The following GRID1 variants were observed in gnomAD, a reference collection of about 807,000 sequenced individuals.
The protein encoded by GRID1 is glutamate receptor ionotropic, delta-1.
In GRID1, 28 loss-of-function variants were observed where a neutral mutation model predicts 98.0. The ratio of observed to expected loss-of-function variants is 0.29; its 90% CI spans 0.21 to 0.39. The LOEUF is 0.39. GRID1 is among the 10% of genes least tolerant of loss of function. The pLI is 1.00. For synonymous variants in GRID1, 553 were observed against 538.5 expected (o/e 1.03, Z -0.37); for missense variants, 1,111 against 1,340.5 (o/e 0.83, Z 2.67).
chr10:85,835,050 A>C (rs966154206), intron 8 of GRID1, among the ~76,000 whole-genome samples: 2 of 152,216 alleles, frequency 1.3e-5, no homozygotes, highest in Non-Finnish European at 2.9e-5. Flanking sequence ...GACTATATTA[A>C]TATCAGGTAA....
intron 4 of GRID1, among the ~76,000 whole-genome samples, chr10:85,978,449 C>A (rs1233634076): frequency 6.6e-6 from 1 of 152,194 alleles, no homozygotes; most frequent in Non-Finnish European, 1.5e-5. Flanking sequence ...AAAGTGAATA[C>A]ATTTGTACAA....
intron 5 of GRID1, among the ~76,000 whole-genome samples, chr10:85,895,012 A>ATATATATAT (rs1269376668): frequency 4.4e-4 from 51 of 115,940 alleles, no homozygotes; most frequent in Non-Finnish European, 8.3e-4. Flanking sequence ...AAAAAAAAAA[A>ATATATATAT]AAAAATATAT....
At position 85,916,125 on chromosome 10, in the gene GRID1, G is replaced by A; in HGVS notation, c.780+61C>T. On this transcript the variant is annotated intron_variant, in intron 5 of 15. Coordinates refer to ENST00000327946, the MANE Select transcript of GRID1 (RefSeq NM_017551.3). The surrounding 1 kb of genome is among the most constrained non-coding windows in gnomAD (Gnocchi z 4.0). ...ATTGAACTGAAAAGAATCACACTGA[G>A]CTTTACAAGGGGCTAGGGGCTCAGT... 2.4e-6 allele frequency: 3 copies of A among 1,242,738 alleles called. No homozygotes were observed. The highest frequency in any genetic ancestry group is 3.6e-6 in the Non-Finnish European group (3 of 844,588). 77.0% of individuals were successfully genotyped at this position (1,242,738 alleles called of 1,614,324 possible).
At chr10:85,897,546 G>A (rs2222545) in intron 5 of GRID1, among the ~76,000 whole-genome samples, 11 of 152,020 alleles carry the variant, frequency 7.2e-5, no homozygotes, top group Non-Finnish European at 1.5e-4. Flanking sequence ...TCATGCCTGA[G>A]GCCCAAAGTG....
chr10:86,218,249 G>A (rs879472822), intron 2 of GRID1, among the ~76,000 whole-genome samples: 2 of 152,020 alleles, frequency 1.3e-5, no homozygotes, highest in Admixed American at 1.3e-4. Context: ...TCCCCCCACC[G>A]CAGCCTATGT....
rs370533294 is a variant in GRID1, at chr10:86,138,824, T to A, written c.721A>T (p.Asn241Tyr). 6.2e-7 allele frequency: 1 copy of A among 1,613,588 alleles called. No homozygotes were observed. Among genetic ancestry groups the A allele is most frequent in the South Asian group, 1.1e-5 (1 of 91,070 alleles). The change falls in exon 4 of 16, where the codon AAC becomes TAC. Residue 241 changes from asparagine to tyrosine, a missense_variant. By Grantham distance (143) the Asn-to-Tyr change is moderately radical. Transcript: ENST00000327946. ...CTCAGGCCCCCATGACCTACCTCGT[T>A]GATGAAGGAGTGGGCTCCCTGTGGG... Reference protein sequence around the residue: ...LSPQGAHSFINEAVETNLASK... With the variant: ...LSPQGAHSFIYEAVETNLASK...
intron 4 of GRID1, among the ~76,000 whole-genome samples, chr10:85,931,371 C>T (rs1229098357): frequency 6.6e-6 from 1 of 152,108 alleles, no homozygotes; most frequent in African/African-American, 2.4e-5. Context: ...TATTTTGTTA[C>T]TTATTTCTCT....
At chr10:86,046,349 G>A (rs1206138660) in intron 4 of GRID1, among the ~76,000 whole-genome samples, 1 of 152,176 alleles carries the variant, frequency 6.6e-6, no homozygotes, top group African/African-American at 2.4e-5. Flanking sequence ...CACCACCAGA[G>A]CTGCAACACT....
At chr10:86,305,806 T>C (rs1847751911) in intron 2 of GRID1, among the ~76,000 whole-genome samples, 1 of 150,338 alleles carries the variant, frequency 6.7e-6, no homozygotes, top group African/African-American at 2.4e-5. Context: ...GAGCCTCCCA[T>C]TGAGCACTTT....
At chr10:86,151,568 G>A (rs1364356876) in intron 3 of GRID1, among the ~76,000 whole-genome samples, 1 of 152,186 alleles carries the variant, frequency 6.6e-6, no homozygotes, top group Admixed American at 6.5e-5. Flanking sequence ...ATTACCAGCT[G>A]TTAATTTGCA....
intron 4 of GRID1, among the ~76,000 whole-genome samples, chr10:86,080,922 C>T (rs1375209148): frequency 1.3e-5 from 2 of 152,150 alleles, no homozygotes; most frequent in Non-Finnish European, 2.9e-5. Context: ...GACTAATTCC[C>T]TCACTTCCAA....
intron 4 of GRID1, among the ~76,000 whole-genome samples, chr10:86,093,641 G>T (rs567507054): frequency 6.6e-6 from 1 of 152,210 alleles, no homozygotes; most frequent in Non-Finnish European, 1.5e-5. Context: ...AACCATCTTA[G>T]CTTAAACCAG....
intron 8 of GRID1, among the ~76,000 whole-genome samples, chr10:85,765,327 G>C (rs967030346): frequency 1.3e-5 from 2 of 152,190 alleles, no homozygotes; most frequent in African/African-American, 4.8e-5. Context: ...AGACCCTCCT[G>C]TTGCTCTGGC....
At chr10:85,649,361 C>A (rs538378684) in intron 12 of GRID1, among the ~76,000 whole-genome samples, 23 of 152,182 alleles carry the variant, frequency 1.5e-4, no homozygotes, top group South Asian at 8.3e-4. Context: ...ATAACAAATT[C>A]GATGAAGAAA....
intron 4 of GRID1, among the ~76,000 whole-genome samples, chr10:85,992,107 C>A (rs1194609657): frequency 6.6e-6 from 1 of 151,860 alleles, no homozygotes; most frequent in Non-Finnish European, 1.5e-5. Flanking sequence ...TGCAGGTGGG[C>A]TTGACTTTGG....
intron 6 of GRID1, among the ~76,000 whole-genome samples, chr10:85,866,127 T>C (rs538354467): frequency 6.6e-6 from 1 of 150,430 alleles, no homozygotes; most frequent in African/African-American, 2.4e-5. Flanking sequence ...GAGCCTAAAA[T>C]ACAAAGCCTC....
At position 86,253,212 on chromosome 10, in the gene GRID1, C is replaced by T. The variant is rs60955468; in HGVS notation, c.236-46564G>A. 9.8e-3 allele frequency among the ~76,000 whole-genome samples: 1,494 copies of T among 152,324 alleles called. 27 individuals carry two copies. Among genetic ancestry groups the T allele is most frequent in the African/African-American group, 0.034 (1,430 of 41,564 alleles). On this transcript the variant is annotated intron_variant, in intron 2 of 15. Coordinates refer to ENST00000327946, the MANE Select transcript of GRID1 (RefSeq NM_017551.3). Reference sequence around the variant, plus strand: ...TCTGTCTTTTCCCCTAAGATCAGCTCATCTGCATGTGGCCATCTCCAAAAG... The same window carrying T: ...TCTGTCTTTTCCCCTAAGATCAGCTTATCTGCATGTGGCCATCTCCAAAAG...
At chr10:85,726,111 G>A (rs1841757362) in intron 10 of GRID1, among the ~76,000 whole-genome samples, 1 of 152,206 alleles carries the variant, frequency 6.6e-6, no homozygotes, top group South Asian at 2.1e-4. Flanking sequence ...ACTGACAGGG[G>A]ACAGGGGACA....
chr10:86,030,636 T>A (rs990768923), intron 4 of GRID1, among the ~76,000 whole-genome samples: 30 of 152,090 alleles, frequency 2.0e-4, no homozygotes, highest in South Asian at 1.2e-3. Context: ...CCAGAAAGAG[T>A]CATCATCCAA....
Sources: allele counts gnomAD v4.1 joint callset (sites outside exome capture counted in the v4.1 genomes callset), GRCh38; gene constraint gnomAD v4.1.1; non-coding constraint Gnocchi (gnomAD v3.1); transcripts MANE v1.5; gene names NCBI Gene and HGNC (gene_info 2026-07-23, HGNC 2026-07-21).